The following IFNA10 variants were observed in gnomAD, a reference collection of about 807,000 sequenced individuals.
The protein encoded by IFNA10 is interferon alpha 10, also known as interferon alpha-10.
For missense variants in IFNA10, 246 were observed against 213.0 expected (o/e 1.15, Z -0.96); for synonymous variants, 96 against 83.7 (o/e 1.15, Z -0.80).
Position 21,206,832 on chromosome 9 carries a change from T to G in IFNA10, c.266A>C (p.Asn89Thr). ...AGATGAGTCCTCTGTGCTGAAGAGATTGAAGGTCTGCTGGATCATCTCATG... is the reference window on the plus strand; with the variant it reads ...AGATGAGTCCTCTGTGCTGAAGAGAGTGAAGGTCTGCTGGATCATCTCATG... ...VLHEMIQQTF[N>T]LFSTEDSSAA... The change falls in exon 1 of 1, where the codon AAT becomes ACT. Residue 89 changes from asparagine to threonine, a missense_variant. Transcript: ENST00000357374. 1 of 1,613,460 alleles carries G rather than the reference T, an allele frequency of 6.2e-7. No homozygotes were observed. The highest frequency in any genetic ancestry group is 8.5e-7 in the Non-Finnish European group (1 of 1,179,820).
At position 21,206,501 on chromosome 9, in the gene IFNA10, A is replaced by G; in HGVS notation, c.*27T>C. On this transcript the variant is annotated 3_prime_UTR_variant, in exon 1 of 1. Coordinates refer to ENST00000357374, the MANE Select transcript of IFNA10 (RefSeq NM_002171.2). ...GTGTGAGATAATGTATTAGTCAATC[A>G]GGATCATTGCCATGTTGAACCAGTT... The G allele has an allele frequency of 6.2e-7, 1 of 1,611,526 alleles. No homozygotes were observed. Among genetic ancestry groups the G allele is most frequent in the Non-Finnish European group, 8.5e-7 (1 of 1,179,516 alleles).
Position 21,206,629 on chromosome 9 carries a change from T to G in IFNA10, c.469A>C (p.Arg157=). 6.2e-7 allele frequency: 1 copy of G among 1,613,912 alleles called. No individual in the cohort carries two copies. The highest frequency in any genetic ancestry group is 1.1e-5 in the South Asian group (1 of 91,078). ...TCCCAGGCACAAGGGCTGTATTTCC[T>G]CTCTATTAGATAAAGAGTGATTCTT... is the stretch of plus-strand genomic sequence containing the variant. ...FQRITLYLIE[R]KYSPCAWEVV... The change falls in exon 1 of 1, where the codon AGG becomes CGG. Residue 157 remains arginine (R), a synonymous_variant. Transcript: ENST00000357374.
Position 21,206,620 on chromosome 9 carries a change from T to A in IFNA10, c.478A>T (p.Ser160Cys). The change falls in exon 1 of 1, where the codon AGC becomes TGC. Residue 160 changes from serine (S) to cysteine (C), a missense_variant. Ser to Cys is a moderately radical substitution (Grantham distance 112). Transcript: ENST00000357374. ...CTGACAACCTCCCAGGCACAAGGGCTGTATTTCCTCTCTATTAGATAAAGA... is the reference window on the plus strand; with the variant it reads ...CTGACAACCTCCCAGGCACAAGGGCAGTATTTCCTCTCTATTAGATAAAGA... ...ITLYLIERKY[S>C]PCAWEVVRAE... 3 of 1,613,956 alleles carry A rather than the reference T, an allele frequency of 1.9e-6. No individual in the cohort carries two copies. The highest frequency in any genetic ancestry group is 2.5e-6 in the Non-Finnish European group (3 of 1,180,002).
Position 21,207,079 on chromosome 9 carries a change from A to C in IFNA10, c.19T>G (p.Leu7Val). MALSFS[L>V]LMAVLVLSYK... The stretch of plus-strand genomic sequence containing the variant: ...CTGAGCACCAGCACGGCCATAAGTA[A>C]AGAAAAGGACAGGGCCATTGGGATG... Residue 7 changes from leucine (L) to valine (V), a missense_variant, in exon 1 of 1, where the codon TTA becomes GTA. Leu to Val is a conservative substitution (Grantham distance 32). Transcript: ENST00000357374. 6.2e-7 allele frequency: 1 copy of C among 1,609,736 alleles called. No homozygotes were observed. Among genetic ancestry groups the C allele is most frequent in the Non-Finnish European group, 8.5e-7 (1 of 1,178,232 alleles).
chr9:21,206,298 A>G lies in IFNA10; in HGVS notation c.*230T>C, dbSNP rs1365656366. 6 of 430,220 alleles carry G rather than the reference A, an allele frequency of 1.4e-5. No homozygotes were observed. The East Asian group carries it at 2.2e-4, about 16-fold the overall frequency. The allele number at this position is 430,220 out of a possible 1,614,324, so 26.7% of individuals were successfully genotyped here. A position where few individuals can be genotyped will look rare whatever the true frequency, so the allele number is the denominator to read the frequency against. Reference sequence around the variant, plus strand: ...ATGATATTACATAAATTTTAAAAATAATTAAATAAATATTTAAACAAAAGA... The same window carrying G: ...ATGATATTACATAAATTTTAAAAATGATTAAATAAATATTTAAACAAAAGA... On this transcript the variant is annotated 3_prime_UTR_variant, in exon 1 of 1. Coordinates refer to ENST00000357374, the MANE Select transcript of IFNA10 (RefSeq NM_002171.2).
At position 21,207,064 on chromosome 9, in the gene IFNA10, G is replaced by T. The variant is rs1818286177; in HGVS notation, c.34C>A (p.Leu12Met). Reference sequence around the variant, plus strand: ...CAGATGGATTTGTAGCTGAGCACCAGCACGGCCATAAGTAAAGAAAAGGAC... The same window carrying T: ...CAGATGGATTTGTAGCTGAGCACCATCACGGCCATAAGTAAAGAAAAGGAC... ...ALSFSLLMAVLVLSYKSICSL... is the reference protein window; with the variant it reads ...ALSFSLLMAVMVLSYKSICSL... The change falls in exon 1 of 1, where the codon CTG (leucine) becomes ATG (methionine). Residue 12 changes from leucine (L) to methionine (M), a missense_variant. Physicochemically the swap from Leu to Met is conservative, Grantham distance 15. Transcript: ENST00000357374. 1 of 1,610,970 alleles carries T rather than the reference G, an allele frequency of 6.2e-7. No homozygotes were observed. Among genetic ancestry groups the T allele is most frequent in the South Asian group, 1.1e-5 (1 of 90,838 alleles).
chr9:21,207,006 C>A lies in IFNA10; in HGVS notation c.92G>T (p.Ser31Ile). The A allele has an allele frequency of 5.0e-6, 8 of 1,611,408 alleles. No individual in the cohort carries two copies. The highest frequency in any genetic ancestry group is 5.1e-6 in the Non-Finnish European group (6 of 1,178,640). ...TATCAAGGCCCTCCTATTACCCAGG[C>A]TGTGGGTCTGAGGCAGATCACAGCC... ...SLGCDLPQTH[S>I]LGNRRALILL... Residue 31 changes from serine to isoleucine, a missense_variant, in exon 1 of 1, where the codon AGC becomes ATC. Transcript: ENST00000357374.
Position 21,206,883 on chromosome 9 carries a change from T to G in IFNA10, c.215A>C (p.Gln72Pro). The G allele has an allele frequency of 6.2e-7, 1 of 1,613,826 alleles. No individual in the cohort carries two copies. The highest frequency in any genetic ancestry group is 1.7e-4 in the Middle Eastern group (1 of 6,058). The change falls in exon 1 of 1, where the codon CAG (glutamine) becomes CCG (proline). Residue 72 changes from glutamine to proline, a missense_variant. By Grantham distance (76) the Gln-to-Pro change is moderately conservative. Transcript: ENST00000357374. ...PQEEFDGNQF[Q>P]KAQAISVLHE... is the part of the protein sequence containing the mutation. ...GAGGACAGAGATGGCTTGAGCCTTC[T>G]GGAACTGGTTGCCATCAAACTCCTC...
At position 21,207,132 on chromosome 9, in the gene IFNA10, T is replaced by A. The variant is rs750644676; in HGVS notation, c.-35A>T. On this transcript the variant is annotated 5_prime_UTR_variant, in exon 1 of 1. Transcript: ENST00000357374. ...GCAAATATTGCTAGGCTACTTGAGA[T>A]GGATAACCTTGAACTTCGGCCTCTA... is the stretch of plus-strand genomic sequence containing the variant. 12 of 1,557,662 alleles carry A rather than the reference T, an allele frequency of 7.7e-6. No individual in the cohort carries two copies. In the African/African-American group the frequency reaches 1.4e-4, roughly 18 times the overall value.
At position 21,206,484 on chromosome 9, in the gene IFNA10, T is replaced by A. The variant is rs537103356; in HGVS notation, c.*44A>T. On this transcript the variant is annotated 3_prime_UTR_variant, in exon 1 of 1. Transcript: ENST00000357374. ...TGGAAGAACTCATGAAAGTGTGAGA[T>A]AATGTATTAGTCAATCAGGATCATT... 3.5e-5 allele frequency: 56 copies of A among 1,603,620 alleles called. No homozygotes were observed. Among genetic ancestry groups the A allele is most frequent in the Middle Eastern group, 4.1e-4 (2 of 4,914 alleles).
rs377628489 is a variant in IFNA10 at position 21,206,945 on chromosome 9, G to A, written c.153C>T (p.Ser51=). Residue 51 remains serine, a synonymous_variant, in exon 1 of 1, where the codon TCC becomes TCT. Coordinates refer to ENST00000357374, the MANE Select transcript of IFNA10 (RefSeq NM_002171.2). ...GGAAATCATGTCTGTCCTTCAGGCA[G>A]GAGAAAGGAGAGATTCTTCCCATTT... The part of the protein sequence containing the change: ...LGQMGRISPF[S]CLKDRHDFRI... 2 of 1,613,922 alleles carry A rather than the reference G, an allele frequency of 1.2e-6. No individual in the cohort carries two copies. The highest frequency in any genetic ancestry group is 1.3e-5 in the African/African-American group (1 of 74,854).
chr9:21,206,547 C>A lies in IFNA10; in HGVS notation c.551G>T (p.Arg184Ile), dbSNP rs748009686. 30 of 1,613,604 alleles carry A rather than the reference C, an allele frequency of 1.9e-5. No homozygotes were observed. The highest frequency in any genetic ancestry group is 6.7e-5 in the Admixed American group (4 of 59,936). ...CAGTTTTCAATCCTTCCTCCTTAAT[C>A]TTTTTTGCAAGTTTGTTGAAAACGA... ...SLSFSTNLQK[R>I]LRRKD is the part of the protein sequence containing the mutation. The change falls in exon 1 of 1, where the codon AGA becomes ATA. Residue 184 changes from arginine (R) to isoleucine (I), a missense_variant. Arg to Ile is a moderately conservative substitution (Grantham distance 97). Transcript: ENST00000357374.
chr9:21,206,322 G>T lies in IFNA10; in HGVS notation c.*206C>A. On this transcript the variant is annotated 3_prime_UTR_variant, in exon 1 of 1. Transcript: ENST00000357374. ...TAATTAAATAAATATTTAAACAAAA[G>T]ATGAACAGAGACATCAGAATGGTCA... is the stretch of plus-strand genomic sequence containing the variant. 1 of 546,008 alleles carries T rather than the reference G, an allele frequency of 1.8e-6. No homozygotes were observed. 33.8% of individuals were successfully genotyped at this position (546,008 alleles called of 1,614,324 possible).
rs753633474 is a variant in IFNA10, at chr9:21,207,138, A to G, written c.-41T>C. ...ATTGCTAGGCTACTTGAGATGGATAACCTTGAACTTCGGCCTCTAGGTTTT... is the reference window on the plus strand; with the variant it reads ...ATTGCTAGGCTACTTGAGATGGATAGCCTTGAACTTCGGCCTCTAGGTTTT... On this transcript the variant is annotated 5_prime_UTR_variant, in exon 1 of 1. Transcript: ENST00000357374. 3.8e-5 allele frequency: 59 copies of G among 1,544,192 alleles called. 1 individual carries two copies. The South Asian group carries it at 6.9e-4, about 18-fold the overall frequency.
rs747674371 is a variant in IFNA10, at chr9:21,207,140, C to A, written c.-43G>T. ...TGCTAGGCTACTTGAGATGGATAACCTTGAACTTCGGCCTCTAGGTTTTCT... is the reference window on the plus strand; with the variant it reads ...TGCTAGGCTACTTGAGATGGATAACATTGAACTTCGGCCTCTAGGTTTTCT... On this transcript the variant is annotated 5_prime_UTR_variant, in exon 1 of 1. In the 5' UTR this introduces an upstream ATG that the reference lacks. Coordinates refer to ENST00000357374, the MANE Select transcript of IFNA10 (RefSeq NM_002171.2). 2 of 1,542,294 alleles carry A rather than the reference C, an allele frequency of 1.3e-6. No individual in the cohort carries two copies. The highest frequency in any genetic ancestry group is 1.7e-6 in the Non-Finnish European group (2 of 1,146,828).
rs1818276264 is a variant in IFNA10 at position 21,206,648 on chromosome 9, G to T, written c.450C>A (p.Ile150=). ...ILAVRKYFQR[I]TLYLIERKYS... ...ATTTCCTCTCTATTAGATAAAGAGT[G>T]ATTCTTTGGAAGTATTTCCTCACAG... Residue 150 remains isoleucine (I), a synonymous_variant, in exon 1 of 1, where the codon ATC becomes ATA. Coordinates refer to ENST00000357374, the MANE Select transcript of IFNA10 (RefSeq NM_002171.2). 6.2e-7 allele frequency: 1 copy of T among 1,613,742 alleles called. No individual in the cohort carries two copies. Among genetic ancestry groups the T allele is most frequent in the Non-Finnish European group, 8.5e-7 (1 of 1,179,972 alleles).
At position 21,206,265 on chromosome 9, in the gene IFNA10, A is replaced by G. The variant is rs888832945; in HGVS notation, c.*263T>C. The stretch of plus-strand genomic sequence containing the variant: ...TATTGTTACATTAACCACAATGTAA[A>G]GCGACTCATGATATTACATAAATTT... On this transcript the variant is annotated 3_prime_UTR_variant, in exon 1 of 1. Coordinates refer to ENST00000357374, the MANE Select transcript of IFNA10 (RefSeq NM_002171.2). 5.4e-5 allele frequency: 16 copies of G among 296,020 alleles called. No individual in the cohort carries two copies. The highest frequency in any genetic ancestry group is 8.5e-5 in the Non-Finnish European group (14 of 164,912). 18.3% of individuals were successfully genotyped at this position (296,020 alleles called of 1,614,324 possible).
Position 21,206,957 on chromosome 9 carries a change from G to C in IFNA10, c.141C>G (p.Ile47Met), listed in dbSNP as rs1238121993. ...ALILLGQMGRISPFSCLKDRH... is the reference protein window; with the variant it reads ...ALILLGQMGRMSPFSCLKDRH... ...TGTCCTTCAGGCAGGAGAAAGGAGAGATTCTTCCCATTTGTCCCAGGAGTA... is the reference window on the plus strand; with the variant it reads ...TGTCCTTCAGGCAGGAGAAAGGAGACATTCTTCCCATTTGTCCCAGGAGTA... The change falls in exon 1 of 1, where the codon ATC (isoleucine) becomes ATG (methionine). Residue 47 changes from isoleucine (I) to methionine (M), a missense_variant. By Grantham distance (10) the Ile-to-Met change is conservative. Transcript: ENST00000357374. The C allele has an allele frequency of 4.3e-6, 7 of 1,613,790 alleles. No individual in the cohort carries two copies. The highest frequency in any genetic ancestry group is 5.9e-6 in the Non-Finnish European group (7 of 1,180,026).
chr9:21,206,275 G>A lies in IFNA10; in HGVS notation c.*253C>T. 3.0e-6 allele frequency: 1 copy of A among 328,946 alleles called. No homozygotes were observed. Among genetic ancestry groups the A allele is most frequent in the Non-Finnish European group, 5.3e-6 (1 of 187,320 alleles). The allele number at this position is 328,946 out of a possible 1,614,324, so 20.4% of individuals were successfully genotyped here. On this transcript the variant is annotated 3_prime_UTR_variant, in exon 1 of 1. Coordinates refer to ENST00000357374, the MANE Select transcript of IFNA10 (RefSeq NM_002171.2). ...TTAACCACAATGTAAAGCGACTCAT[G>A]ATATTACATAAATTTTAAAAATAAT...
Sources: allele counts gnomAD v4.1 joint callset, GRCh38; gene constraint gnomAD v4.1.1; transcripts MANE v1.5; gene names NCBI Gene and HGNC (gene_info 2026-07-23, HGNC 2026-07-21).